Variants in DIAPH1 observed in about 807,000 individuals in gnomAD.
DIAPH1 encodes the protein protein diaphanous homolog 1.
Under a neutral mutation model 140.7 loss-of-function variants are expected in DIAPH1, and 46 were observed. That is an observed-to-expected ratio of 0.33 (90% confidence interval 0.26 to 0.42). DIAPH1 has a LOEUF of 0.42. DIAPH1 is among the 10% of genes least tolerant of loss of function. The probability of loss-of-function intolerance (pLI) is 1.00; values close to 1 mark genes in which losing one functional copy is unlikely to be tolerated. For missense variants in DIAPH1, 1,310 were observed against 1,558.7 expected, an observed-to-expected ratio of 0.84 and a Z score of 2.69; for synonymous variants, 565 against 551.6, an observed-to-expected ratio of 1.02 and a Z score of -0.34.
In DIAPH1 at chr5:141,577,516, G is replaced by A. The variant is rs774466966; in HGVS notation, c.1239C>T (p.Ile413=). 9 of 1,613,818 alleles carry A rather than the reference G, an allele frequency of 5.6e-6. No homozygotes were observed. Among genetic ancestry groups the A allele is most frequent in the Admixed American group, 1.7e-5 (1 of 60,000 alleles). ...DSKAEPHFLS[I]LQHLLLVRND... is the part of the protein sequence containing the mutation. Reference sequence around the variant, plus strand: ...TTCGGACCAAGAGTAAGTGCTGCAGGATGGAAAGGAAGTGTGGCTCTGCCT... The same window carrying A: ...TTCGGACCAAGAGTAAGTGCTGCAGAATGGAAAGGAAGTGTGGCTCTGCCT... The change falls in exon 12 of 28, where the codon ATC becomes ATT. Residue 413 remains isoleucine (I), a synonymous_variant. Coordinates refer to ENST00000389054, the MANE Select transcript of DIAPH1 (RefSeq NM_005219.5).
intron 18 of DIAPH1, among the ~76,000 whole-genome samples, chr5:141,552,617 T>C (rs540341883): frequency 7.2e-5 from 11 of 152,252 alleles, no homozygotes; most frequent in African/African-American, 2.6e-4. Flanking sequence ...AACTGTAAGA[T>C]AATACGTTTG....
At chr5:141,573,028 T>C (rs2099895423) in intron 16 of DIAPH1, among the ~76,000 whole-genome samples, 1 of 152,246 alleles carries the variant, frequency 6.6e-6, no homozygotes, top group Non-Finnish European at 1.5e-5. Flanking sequence ...AGATGCCTAA[T>C]ATCTCCTGAA....
chr5:141,568,400 G>A (rs2099894686), intron 18 of DIAPH1, among the ~76,000 whole-genome samples: 1 of 152,006 alleles, frequency 6.6e-6, no homozygotes, highest in South Asian at 2.1e-4. Flanking sequence ...ATGTGAAAAA[G>A]GACCAGAAGT....
intron 18 of DIAPH1, among the ~76,000 whole-genome samples, chr5:141,552,438 T>A (rs2099891840): frequency 6.6e-6 from 1 of 151,698 alleles, no homozygotes; most frequent in Admixed American, 6.6e-5. Context: ...GAGAAAGAGA[T>A]TTGAAGATGC....
intron 27 of DIAPH1, chr5:141,518,588 T>A: frequency 4.8e-6 from 1 of 207,482 alleles, no homozygotes; most frequent in Non-Finnish European, 9.9e-6. Context: ...AGCAGCGCAA[T>A]CACAGCTCAC....
intron 18 of DIAPH1, among the ~76,000 whole-genome samples, chr5:141,568,746 G>C (rs1230828038): frequency 1.3e-5 from 2 of 152,002 alleles, no homozygotes; most frequent in Non-Finnish European, 2.9e-5. Flanking sequence ...GAAGGTTTTA[G>C]GTATCAATAA....
chr5:141,524,494 C>T, intron 26 of DIAPH1: 1 of 508,010 alleles, frequency 2.0e-6, no homozygotes. Context: ...CCATCCTCCC[C>T]ACCCCAATCA....
chr5:141,606,008 C>T (rs931852911), intron 1 of DIAPH1, among the ~76,000 whole-genome samples: 2 of 152,208 alleles, frequency 1.3e-5, no homozygotes, highest in Admixed American at 6.5e-5. Flanking sequence ...GCCTGACACA[C>T]ATCTTTCACA....
At chr5:141,576,407 T>G (rs943440282) in intron 13 of DIAPH1, 113 bp from the exon 14 acceptor site, 2 of 907,858 alleles carry the variant, frequency 2.2e-6, no homozygotes, top group Admixed American at 3.8e-5. Flanking sequence ...TCTTTCTTAA[T>G]GTTCTGCACT....
intron 1 of DIAPH1, among the ~76,000 whole-genome samples, chr5:141,593,282 T>C (rs1245057709): frequency 6.6e-6 from 1 of 152,158 alleles, no homozygotes; most frequent in Non-Finnish European, 1.5e-5. Context: ...ACCATGCCAT[T>C]GGGAAACTAC....
At chr5:141,617,805 T>C (rs1367606462) in intron 1 of DIAPH1, among the ~76,000 whole-genome samples, 5 of 152,078 alleles carry the variant, frequency 3.3e-5, no homozygotes, top group Non-Finnish European at 5.9e-5. Context: ...TAATGAAATA[T>C]GATAGGGTTA....
chr5:141,594,350 G>C (rs1407487202), intron 1 of DIAPH1, among the ~76,000 whole-genome samples: 1 of 152,174 alleles, frequency 6.6e-6, no homozygotes, highest in Non-Finnish European at 1.5e-5. Context: ...TAGGTGAACA[G>C]GTAACTAAAC....
chr5:141,607,638 G>C (rs1265373477), intron 1 of DIAPH1, among the ~76,000 whole-genome samples: 1 of 152,144 alleles, frequency 6.6e-6, no homozygotes, highest in East Asian at 1.9e-4. Context: ...CCTTACCAGG[G>C]ATAAAATAAT....
intron 18 of DIAPH1, among the ~76,000 whole-genome samples, chr5:141,558,915 T>G (rs1275463267): frequency 3.4e-5 from 1 of 29,662 alleles, no homozygotes; most frequent in Admixed American, 4.4e-4. Context: ...TCACAAGTTG[T>G]TAAAAAAAAA....
chr5:141,591,849 C>A (rs1355281469), intron 1 of DIAPH1, among the ~76,000 whole-genome samples: 1 of 149,506 alleles, frequency 6.7e-6, no homozygotes. Context: ...TTTGGGAGGC[C>A]GAGTCGGGTG....
chr5:141,583,397 A>C, intron 5 of DIAPH1, 88 bp downstream of exon 5: 2 of 1,609,602 alleles, frequency 1.2e-6, no homozygotes, highest in Non-Finnish European at 1.7e-6. Flanking sequence ...GACTATTCTC[A>C]TGCTTCCCTG....
At chr5:141,539,521 C>T (rs1255576912) in intron 18 of DIAPH1, among the ~76,000 whole-genome samples, 4 of 150,162 alleles carry the variant, frequency 2.7e-5, no homozygotes, top group Middle Eastern at 3.2e-3. Flanking sequence ...CCGCCCACCT[C>T]GGCCTCCCAA....
At chr5:141,531,462 G>A (rs770927536) in intron 19 of DIAPH1, among the ~76,000 whole-genome samples, 4 of 151,940 alleles carry the variant, frequency 2.6e-5, no homozygotes, top group South Asian at 2.1e-4. Context: ...ATAGGCATGC[G>A]GCACCACATC....
At chr5:141,557,573 T>C (rs2099892820) in intron 18 of DIAPH1, among the ~76,000 whole-genome samples, 1 of 152,164 alleles carries the variant, frequency 6.6e-6, no homozygotes, top group Non-Finnish European at 1.5e-5. Flanking sequence ...TCTTCTTTTT[T>C]TGGGGGTATC....
Sources: gnomAD v4.1 joint callset for allele counts (sites outside exome capture counted in the v4.1 genomes callset) on GRCh38, gnomAD v4.1.1 for gene constraint, MANE v1.5 for transcripts, NCBI Gene and HGNC (gene_info 2026-07-23, HGNC 2026-07-21) for gene names.